Variants in ZNF385B observed in about 807,000 individuals in gnomAD.
ZNF385B encodes the protein zinc finger protein 533.
Under a neutral mutation model 39.2 loss-of-function variants are expected in ZNF385B, and 23 were observed. The ratio of observed to expected loss-of-function variants is 0.59; its 90% confidence interval spans 0.42 to 0.83. ZNF385B has a LOEUF of 0.83. Ranked by LOEUF, ZNF385B falls within the 40% of genes least tolerant of loss-of-function variation. The pLI, the probability that ZNF385B is intolerant of heterozygous loss-of-function variation, is 0.00. For synonymous variants in ZNF385B, 205 were observed against 222.6 expected, an observed-to-expected ratio of 0.92 and a Z score of 0.70; for missense variants, 552 against 598.9, an observed-to-expected ratio of 0.92 and a Z score of 0.82.
At chr2:179,489,154 C>G (rs926313980) in intron 5 of ZNF385B, among the ~76,000 whole-genome samples, 1 of 152,108 alleles carries the variant, frequency 6.6e-6, no homozygotes, top group African/African-American at 2.4e-5. Flanking sequence ...TCCGAAGTGG[C>G]AGAATGGAGA....
At chr2:179,504,911 C>G (rs2057115451) in intron 5 of ZNF385B, among the ~76,000 whole-genome samples, 2 of 152,080 alleles carry the variant, frequency 1.3e-5, no homozygotes, top group Admixed American at 1.3e-4. Context: ...AATCCTCCCC[C>G]ATGATGCAAT....
At chr2:179,634,522 A>G (rs548646499) in intron 3 of ZNF385B, among the ~76,000 whole-genome samples, 1 of 152,234 alleles carries the variant, frequency 6.6e-6, no homozygotes, top group African/African-American at 2.4e-5. Flanking sequence ...CACAGTAGTT[A>G]GAATAGTAAT....
intron 3 of ZNF385B, among the ~76,000 whole-genome samples, chr2:179,665,193 T>C (rs1290647172): frequency 6.6e-6 from 1 of 152,138 alleles, no homozygotes; most frequent in Non-Finnish European, 1.5e-5. Context: ...AATGCTAATG[T>C]ATAGTAAGTG....
intron 3 of ZNF385B, among the ~76,000 whole-genome samples, chr2:179,647,462 C>A (rs1277436241): frequency 6.6e-6 from 1 of 152,030 alleles, no homozygotes; most frequent in East Asian, 1.9e-4. Flanking sequence ...GAGTCCTGGT[C>A]CTGAGTCTGA....
chr2:179,800,959 C>G (rs532246389), intron 1 of ZNF385B, among the ~76,000 whole-genome samples: 13 of 152,154 alleles, frequency 8.5e-5, no homozygotes, highest in African/African-American at 3.1e-4. Context: ...ATCTGTTACC[C>G]AATTCATAAG....
chr2:179,705,470 G>A (rs967107897), intron 3 of ZNF385B, among the ~76,000 whole-genome samples: 1 of 152,068 alleles, frequency 6.6e-6, no homozygotes, highest in African/African-American at 2.4e-5. Context: ...ACATCCACAT[G>A]GGCAGCCCAT....
chr2:179,807,893 T>TGAAA (rs139866166), intron 1 of ZNF385B, among the ~76,000 whole-genome samples: 3,407 of 123,586 alleles, frequency 0.028, 56 homozygotes, highest in Middle Eastern at 0.058. Flanking sequence ...AGACTCCGTC[T>TGAAA]GAAAGAAAGA....
intron 3 of ZNF385B, among the ~76,000 whole-genome samples, chr2:179,612,597 T>C (rs1363468140): frequency 6.6e-6 from 1 of 152,186 alleles, no homozygotes; most frequent in East Asian, 1.9e-4. Flanking sequence ...AGTCTCTCCC[T>C]CTCTGTGCTG....
At chr2:179,645,709 G>A (rs1365184168) in intron 3 of ZNF385B, among the ~76,000 whole-genome samples, 2 of 152,054 alleles carry the variant, frequency 1.3e-5, no homozygotes, top group Non-Finnish European at 2.9e-5. Flanking sequence ...TCCTCTGTGG[G>A]GCTTTCTTTC....
chr2:179,736,004 T>C (rs1352832302), intron 3 of ZNF385B, among the ~76,000 whole-genome samples: 1 of 150,216 alleles, frequency 6.7e-6, no homozygotes, highest in Non-Finnish European at 1.5e-5. Flanking sequence ...AATGTGCACA[T>C]GTACCCTAAA....
chr2:179,703,798 C>T (rs78845625), intron 3 of ZNF385B, among the ~76,000 whole-genome samples: 18,815 of 152,052 alleles, frequency 0.12, 1,912 homozygotes, highest in East Asian at 0.52. Flanking sequence ...ATACATAGTC[C>T]CTTAAAGAGT....
At chr2:179,565,942 CT>C (rs1466329711) in intron 3 of ZNF385B, among the ~76,000 whole-genome samples, 1 of 152,174 alleles carries the variant, frequency 6.6e-6, no homozygotes, top group African/African-American at 2.4e-5. Context: ...TTGTGTATTA[CT>C]TGTGCATGTG....
intron 1 of ZNF385B, among the ~76,000 whole-genome samples, chr2:179,811,605 A>C (rs1356136883): frequency 6.6e-6 from 1 of 152,218 alleles, no homozygotes; most frequent in Non-Finnish European, 1.5e-5. Flanking sequence ...CATATGAAGA[A>C]GAATAAAACT....
chr2:179,629,869 T>G (rs901087229), intron 3 of ZNF385B, among the ~76,000 whole-genome samples: 1 of 152,230 alleles, frequency 6.6e-6, no homozygotes, highest in Non-Finnish European at 1.5e-5. Flanking sequence ...TTCTCTACCA[T>G]GCCTGGCTCA....
At chr2:179,802,390 C>T (rs1414429503) in intron 1 of ZNF385B, 1 of 152,096 alleles carries the variant, frequency 6.6e-6, no homozygotes. Context: ...TTAATTCCTT[C>T]CCCCTCTCAA....
intron 4 of ZNF385B, among the ~76,000 whole-genome samples, chr2:179,519,667 A>T (rs556017877): frequency 2.1e-4 from 32 of 152,334 alleles, no homozygotes; most frequent in Non-Finnish European, 4.6e-4. Context: ...TCCAACATTT[A>T]CATCAGACAA....
intron 3 of ZNF385B, among the ~76,000 whole-genome samples, chr2:179,648,692 T>C (rs571074452): frequency 6.6e-6 from 1 of 152,072 alleles, no homozygotes; most frequent in African/African-American, 2.4e-5. Context: ...TGTGAACAGA[T>C]AGCAAGGAAG....
At chr2:179,823,730 T>C (rs12986831) in intron 1 of ZNF385B, among the ~76,000 whole-genome samples, 2 of 152,166 alleles carry the variant, frequency 1.3e-5, no homozygotes, top group African/African-American at 4.8e-5. Flanking sequence ...TATTTTACTG[T>C]TCATTCTTCT....
chr2:179,667,408 C>G (rs989355510), intron 3 of ZNF385B, among the ~76,000 whole-genome samples: 4 of 152,154 alleles, frequency 2.6e-5, no homozygotes, highest in Admixed American at 1.3e-4. Context: ...CTCCCTCCCC[C>G]CCACCATTTT....
Sources: allele counts gnomAD v4.1 joint callset (sites outside exome capture counted in the v4.1 genomes callset), GRCh38; gene constraint gnomAD v4.1.1; transcripts MANE v1.5; gene names NCBI Gene and HGNC (gene_info 2026-07-23, HGNC 2026-07-21).